The following RAP1B variants were observed in gnomAD, a reference collection of about 807,000 sequenced individuals.
RAP1B encodes ras-related protein Rap-1b.
A neutral mutation model predicts 27.5 loss-of-function variants in RAP1B; 1 was observed. That is an observed-to-expected ratio of 0.04 (90% CI 0.01 to 0.17). RAP1B has a LOEUF of 0.17. Ranked by LOEUF, RAP1B falls within the 10% of genes least tolerant of loss-of-function variation. RAP1B has a pLI of 1.00. For missense variants in RAP1B, 84 were observed against 214.8 expected (o/e 0.39, Z 3.81); for synonymous variants, 75 against 73.1 (o/e 1.03, Z -0.13).
At chr12:68,626,887 GCCACTTGTCCACAGGGCCA>G in intron 1 of RAP1B, 1 of 1,577,052 alleles carries the variant, frequency 6.3e-7, no homozygotes, top group Admixed American at 1.7e-5. Context: ...TGCAGGGCCC[GCCACTTGTCCACAGGGCCA>G]CGATTGGAAA....
intron 1 of RAP1B, chr12:68,642,656 T>A (rs1873101208): frequency 8.9e-7 from 1 of 1,129,410 alleles, no homozygotes; most frequent in African/African-American, 1.5e-5. Flanking sequence ...CTGTTTCTCA[T>A]ATTCTACAAT....
intron 7 of RAP1B, among the ~76,000 whole-genome samples, chr12:68,658,365 A>G (rs142555261): frequency 9.8e-4 from 149 of 152,258 alleles, no homozygotes; most frequent in Middle Eastern, 3.4e-3. Context: ...TGTCCTTTTT[A>G]ATTTGCAACA....
intron 1 of RAP1B, among the ~76,000 whole-genome samples, chr12:68,646,260 A>G (rs1027033511): frequency 6.6e-6 from 1 of 151,262 alleles, no homozygotes; most frequent in Non-Finnish European, 1.5e-5. Flanking sequence ...GTTTTAGTGA[A>G]TATATAGTTA....
chr12:68,641,998 A>G (rs1873042839), intron 1 of RAP1B, among the ~76,000 whole-genome samples: 2 of 152,224 alleles, frequency 1.3e-5, no homozygotes, highest in Non-Finnish European at 2.9e-5. Flanking sequence ...GAAGTATCGT[A>G]TAGTTGCACT....
chr12:68,655,818 G>A (rs2135968725), intron 5 of RAP1B, among the ~76,000 whole-genome samples: 1 of 152,342 alleles, frequency 6.6e-6, no homozygotes, highest in South Asian at 2.1e-4. Flanking sequence ...TTACAGGCGT[G>A]AGCCACTGTG....
rs970070517 is a variant in RAP1B, at chr12:68,668,099, C to T, written c.*8850C>T. The stretch of plus-strand genomic sequence containing the variant: ...TATTCTCATGGTCAGGGCATTCTCT[C>T]CTTGGCAGGATGTAGTTAATGACAT... On this transcript the variant is annotated 3_prime_UTR_variant, in exon 8 of 8. Coordinates refer to ENST00000250559, the MANE Select transcript of RAP1B (RefSeq NM_001010942.3). The T allele has an allele frequency of 6.6e-6, 1 of 152,196 alleles. No individual in the cohort carries two copies. Among genetic ancestry groups the T allele is most frequent in the African/African-American group, 2.4e-5 (1 of 41,442 alleles). 9.4% of individuals were successfully genotyped at this position (152,196 alleles called of 1,614,324 possible). A position where few individuals can be genotyped will look rare whatever the true frequency, so the allele number is the denominator to read the frequency against.
intron 1 of RAP1B, among the ~76,000 whole-genome samples, chr12:68,637,599 CAAAAAAAAAAAAAAAAA>C (rs58656248): frequency 5.8e-5 from 2 of 34,232 alleles, no homozygotes; most frequent in Non-Finnish European, 9.2e-5. Context: ...AACTCCATCT[CAAAAAAAAAAAAAAAAA>C]AAAAAAAAAA....
At chr12:68,622,236 C>T in intron 1 of RAP1B, among the ~76,000 whole-genome samples, 1 of 152,190 alleles carries the variant, frequency 6.6e-6, no homozygotes, top group East Asian at 1.9e-4. Flanking sequence ...TAATACCACC[C>T]TTGTTTAAGC....
intron 1 of RAP1B, chr12:68,624,947 T>C (rs1008206756): frequency 3.9e-5 from 6 of 152,276 alleles, no homozygotes; most frequent in African/African-American, 1.4e-4. Flanking sequence ...CCATGTGTTC[T>C]TCAGATGCTC....
chr12:68,651,839 T>A (rs1415130005), intron 3 of RAP1B, 156 bp from the exon 4 acceptor site: 12 of 566,622 alleles, frequency 2.1e-5, no homozygotes, highest in Non-Finnish European at 3.5e-5. Context: ...TACTTAGCTA[T>A]TTTTCCTCCT....
At position 68,668,558 on chromosome 12, in the gene RAP1B, A is replaced by C. The variant is rs886607856; in HGVS notation, c.*9309A>C. The stretch of plus-strand genomic sequence containing the variant: ...TAAACCAAAACAGATTTAATGTCTA[A>C]ACTTAAATCTAGTTTGACATTAACT... On this transcript the variant is annotated 3_prime_UTR_variant, in exon 8 of 8. Coordinates refer to ENST00000250559, the MANE Select transcript of RAP1B (RefSeq NM_001010942.3). 1.3e-5 allele frequency: 2 copies of C among 152,216 alleles called. No individual in the cohort carries two copies. Among genetic ancestry groups the C allele is most frequent in the South Asian group, 2.1e-4 (1 of 4,830 alleles). The allele number at this position is 152,216 out of a possible 1,614,324, so 9.4% of individuals were successfully genotyped here.
intron 1 of RAP1B, among the ~76,000 whole-genome samples, chr12:68,623,115 A>C (rs1871500634): frequency 6.6e-6 from 1 of 152,246 alleles, no homozygotes; most frequent in African/African-American, 2.4e-5. Context: ...TTGAAAGCTA[A>C]TTGTTCTTAG....
chr12:68,624,836 C>T (rs1045502329), intron 1 of RAP1B: 5 of 152,284 alleles, frequency 3.3e-5, no homozygotes, highest in African/African-American at 1.2e-4. Context: ...ACAACAAAAG[C>T]TCCTCGATGG....
intron 1 of RAP1B, among the ~76,000 whole-genome samples, chr12:68,639,220 A>G (rs1481454321): frequency 6.6e-6 from 1 of 152,166 alleles, no homozygotes; most frequent in African/African-American, 2.4e-5. Flanking sequence ...GTTATTACCT[A>G]ATAAGACCTT....
rs1874585566 is a variant in RAP1B, at chr12:68,661,385, C to T, written c.*2136C>T. The T allele has an allele frequency of 6.6e-6, 1 of 152,114 alleles. No homozygotes were observed. The highest frequency in any genetic ancestry group is 1.5e-5 in the Non-Finnish European group (1 of 68,028). 9.4% of individuals were successfully genotyped at this position (152,114 alleles called of 1,614,324 possible). Reference sequence around the variant, plus strand: ...TGCTGCCTACCAGCTATGTACCAGGCCCAGTTCTAGGCTCAAACAGCTAAA... The same window carrying T: ...TGCTGCCTACCAGCTATGTACCAGGTCCAGTTCTAGGCTCAAACAGCTAAA... On this transcript the variant is annotated 3_prime_UTR_variant, in exon 8 of 8. Coordinates refer to ENST00000250559, the MANE Select transcript of RAP1B (RefSeq NM_001010942.3).
intron 1 of RAP1B, among the ~76,000 whole-genome samples, chr12:68,618,773 T>A (rs185179517): frequency 1.3e-5 from 2 of 152,292 alleles, no homozygotes; most frequent in Non-Finnish European, 2.9e-5. Context: ...ATGCTCTTGA[T>A]GAAGAAGTAA....
chr12:68,637,335 C>T (rs1013893527), intron 1 of RAP1B, among the ~76,000 whole-genome samples: 5 of 152,006 alleles, frequency 3.3e-5, no homozygotes, highest in Non-Finnish European at 7.4e-5. Context: ...CAGTGGCTCA[C>T]GCCTGTAATC....
At chr12:68,647,347 A>G in intron 1 of RAP1B, among the ~76,000 whole-genome samples, 1 of 133,326 alleles carries the variant, frequency 7.5e-6, no homozygotes, top group South Asian at 2.7e-4. Flanking sequence ...ATCCTGGCCA[A>G]CATGGTGAAG....
At chr12:68,634,336 C>T (rs779712002) in intron 1 of RAP1B, among the ~76,000 whole-genome samples, 1 of 152,154 alleles carries the variant, frequency 6.6e-6, no homozygotes, top group Non-Finnish European at 1.5e-5. Flanking sequence ...AAATGAGACA[C>T]AGTTTAAAAT....
Sources: allele counts gnomAD v4.1 joint callset (sites outside exome capture counted in the v4.1 genomes callset), GRCh38; gene constraint gnomAD v4.1.1; transcripts MANE v1.5; gene names NCBI Gene and HGNC (gene_info 2026-07-23, HGNC 2026-07-21).